FLRT2: variants seen among roughly 807,000 people sequenced by gnomAD.
FLRT2 encodes the protein fibronectin leucine rich transmembrane protein 2, also known as leucine-rich repeat transmembrane protein FLRT2.
FLRT2 carries 15 observed loss-of-function variants against 40.0 expected under a neutral mutation model. The observed-to-expected ratio is 0.38, with a 90% CI of 0.25 to 0.58. The LOEUF (loss-of-function observed/expected upper bound fraction) is 0.58. Ranked by LOEUF, FLRT2 falls within the 20% of genes least tolerant of loss-of-function variation. FLRT2 has a pLI of 0.71. For missense variants in FLRT2, 726 were observed against 840.0 expected (o/e 0.86, Z 1.68); for synonymous variants, 380 against 336.8 (o/e 1.13, Z -1.41).
chr14:85,580,726 G>A (rs1349349364), intron 1 of FLRT2, among the ~76,000 whole-genome samples: 3 of 116,240 alleles, frequency 2.6e-5, no homozygotes, highest in East Asian at 5.4e-4. Flanking sequence ...GGGCTGGTGA[G>A]GAAAGGAAAT....
At chr14:85,594,242 T>A (rs1382572443) in intron 1 of FLRT2, among the ~76,000 whole-genome samples, 1 of 152,206 alleles carries the variant, frequency 6.6e-6, no homozygotes, top group Non-Finnish European at 1.5e-5. Context: ...TATTTAACTG[T>A]TATTGCTTAA....
At chr14:85,541,649 G>T (rs1437478985) in intron 1 of FLRT2, among the ~76,000 whole-genome samples, 1 of 152,130 alleles carries the variant, frequency 6.6e-6, no homozygotes, top group Non-Finnish European at 1.5e-5. Flanking sequence ...AATGAATGCC[G>T]ACTGTAGGTC....
intron 1 of FLRT2, among the ~76,000 whole-genome samples, chr14:85,596,715 A>T (rs1892155240): frequency 3.9e-5 from 6 of 152,214 alleles, no homozygotes; most frequent in Admixed American, 3.9e-4. Context: ...GGGAGAATTC[A>T]GAGTTTCACA....
intron 1 of FLRT2, among the ~76,000 whole-genome samples, chr14:85,617,774 G>A (rs1323714338): frequency 1.3e-5 from 2 of 152,120 alleles, no homozygotes; most frequent in Non-Finnish European, 2.9e-5. Flanking sequence ...GTTATTTTGT[G>A]GGATTCCCAA....
chr14:85,621,070 G>A (rs1417174829), intron 1 of FLRT2, 69 bp from the exon 2 acceptor site: 1 of 167,006 alleles, frequency 6.0e-6, no homozygotes, highest in African/African-American at 2.4e-5. Flanking sequence ...GAAAGGCTCA[G>A]AGTCATATTG....
chr14:85,609,135 G>A (rs997028516), intron 1 of FLRT2, among the ~76,000 whole-genome samples: 15 of 152,112 alleles, frequency 9.9e-5, no homozygotes, highest in Non-Finnish European at 2.1e-4. Context: ...TTCCCAATCC[G>A]AACAAGCTTA....
At chr14:85,531,697 C>T (rs904531217) in intron 1 of FLRT2, among the ~76,000 whole-genome samples, 13 of 152,186 alleles carry the variant, frequency 8.5e-5, no homozygotes, top group African/African-American at 3.1e-4. Flanking sequence ...TGTCTGTTCC[C>T]TTCCGATTAG....
rs1343497790 is a variant in FLRT2 at position 85,637,424 on chromosome 14, A to G, written c.*13927A>G. 1 of 152,246 alleles carries G rather than the reference A, an allele frequency of 6.6e-6. No individual in the cohort carries two copies. The highest frequency in any genetic ancestry group is 1.5e-5 in the Non-Finnish European group (1 of 68,038). The allele number at this position is 152,246 out of a possible 1,614,324, so 9.4% of individuals were successfully genotyped here. A position where few individuals can be genotyped will look rare whatever the true frequency, so the allele number is the denominator to read the frequency against. On this transcript the variant is annotated 3_prime_UTR_variant, in exon 2 of 2. Transcript: ENST00000330753. Reference sequence around the variant, plus strand: ...TTTGGTTTCATATTTTTTAAAAGGTATAACAAAAACACCTACCACAGTGTT... The same window carrying G: ...TTTGGTTTCATATTTTTTAAAAGGTGTAACAAAAACACCTACCACAGTGTT...
In FLRT2 at chr14:85,625,232, T is replaced by C. The variant is rs547662977; in HGVS notation, c.*1735T>C. On this transcript the variant is annotated 3_prime_UTR_variant, in exon 2 of 2. Transcript: ENST00000330753. ...AATCAAATTTAAACATTTCACTCTGTGCTGCATATTTCTTTTACCATTGAC... is the reference window on the plus strand; with the variant it reads ...AATCAAATTTAAACATTTCACTCTGCGCTGCATATTTCTTTTACCATTGAC... 460 of 167,192 alleles carry C rather than the reference T, an allele frequency of 2.8e-3. 2 individuals are homozygous for C. Among genetic ancestry groups the C allele is most frequent in the African/African-American group, 0.01 (436 of 41,574 alleles). 10.4% of individuals were successfully genotyped at this position (167,192 alleles called of 1,614,324 possible).
chr14:85,546,442 G>A (rs1445005132), intron 1 of FLRT2, among the ~76,000 whole-genome samples: 2 of 152,028 alleles, frequency 1.3e-5, no homozygotes, highest in South Asian at 2.1e-4. Context: ...ATCCTTGGTG[G>A]GGCTGTTTAG....
chr14:85,549,251 TGG>T (rs1472265618), intron 1 of FLRT2, among the ~76,000 whole-genome samples: 204 of 152,302 alleles, frequency 1.3e-3, no homozygotes, highest in African/African-American at 4.7e-3. Context: ...AAGCCATCCA[TGG>T]ATGGCAAAAC....
rs1295841002 is a variant in FLRT2, at chr14:85,638,832, T to C, written c.*15335T>C. The C allele has an allele frequency of 6.6e-6, 1 of 152,218 alleles. No homozygotes were observed. Among genetic ancestry groups the C allele is most frequent in the Non-Finnish European group, 1.5e-5 (1 of 68,044 alleles). 9.4% of individuals were successfully genotyped at this position (152,218 alleles called of 1,614,324 possible). A position where few individuals can be genotyped will look rare whatever the true frequency, so the allele number is the denominator to read the frequency against. On this transcript the variant is annotated 3_prime_UTR_variant, in exon 2 of 2. Coordinates refer to ENST00000330753, the MANE Select transcript of FLRT2 (RefSeq NM_013231.6). ...CCGCAAACCTATTTTGATCAACCAG[T>C]ACTGAACTTTTCCCCTTCTCTTATG...
At chr14:85,610,218 G>C (rs1892797993) in intron 1 of FLRT2, among the ~76,000 whole-genome samples, 1 of 151,658 alleles carries the variant, frequency 6.6e-6, no homozygotes, top group African/African-American at 2.4e-5. Context: ...GAGAATTTGA[G>C]ACAGGTGGAA....
Position 85,622,254 on chromosome 14 carries a change from C to G in FLRT2, c.740C>G (p.Pro247Arg). The change falls in exon 2 of 2, where the codon CCC becomes CGC. Residue 247 changes from proline to arginine, a missense_variant. Pro to Arg is a moderately radical substitution (Grantham distance 103). Transcript: ENST00000330753. ...CGTAATTCGCTGTCCCACCCTCCTC[C>G]CGATCTCCCAGGTACGCATCTGATC... The part of the protein sequence containing the change: ...IVRNSLSHPP[P>R]DLPGTHLIRL... The G allele has an allele frequency of 6.2e-7, 1 of 1,614,086 alleles. No homozygotes were observed. The highest frequency in any genetic ancestry group is 8.5e-7 in the Non-Finnish European group (1 of 1,180,036).
chr14:85,568,202 T>C (rs1890719859), intron 1 of FLRT2, among the ~76,000 whole-genome samples: 2 of 150,210 alleles, frequency 1.3e-5, no homozygotes, highest in South Asian at 4.3e-4. Context: ...TCATGGGACC[T>C]TGCTGATCTG....
At chr14:85,541,841 C>T (rs1228658669) in intron 1 of FLRT2, among the ~76,000 whole-genome samples, 1 of 152,160 alleles carries the variant, frequency 6.6e-6, no homozygotes, top group Non-Finnish European at 1.5e-5. Flanking sequence ...GCCATGTGTC[C>T]TTCTGCCGAT....
rs370220314 is a variant in FLRT2, at chr14:85,642,525, G to A, written c.*19028G>A. On this transcript the variant is annotated 3_prime_UTR_variant, in exon 2 of 2. Coordinates refer to ENST00000330753, the MANE Select transcript of FLRT2 (RefSeq NM_013231.6). ...TGTCTCAGTAGGGCTTAAATATGAA[G>A]TATAAACTGGGAAGAAAAGGCTAAA... The A allele has an allele frequency of 1.3e-5, 2 of 151,954 alleles. 1 individual carries two copies. The highest frequency in any genetic ancestry group is 3.9e-4 in the East Asian group (2 of 5,174). 9.4% of individuals were successfully genotyped at this position (151,954 alleles called of 1,614,324 possible). A position where few individuals can be genotyped will look rare whatever the true frequency, so the allele number is the denominator to read the frequency against.
chr14:85,564,587 T>C (rs538081947), intron 1 of FLRT2, among the ~76,000 whole-genome samples: 1 of 152,160 alleles, frequency 6.6e-6, no homozygotes, highest in Non-Finnish European at 1.5e-5. Flanking sequence ...AGTTTTCTGG[T>C]GGGTTATGAG....
In FLRT2 at chr14:85,635,254, T is replaced by A. The variant is rs879366473; in HGVS notation, c.*11757T>A. The stretch of plus-strand genomic sequence containing the variant: ...CCTCATATATGAAATGAGGTACTAA[T>A]ACTTTTAAGGATTTGATGAGATAAT... On this transcript the variant is annotated 3_prime_UTR_variant, in exon 2 of 2. Coordinates refer to ENST00000330753, the MANE Select transcript of FLRT2 (RefSeq NM_013231.6). 9.5e-4 allele frequency: 144 copies of A among 152,272 alleles called. 1 individual carries two copies. Among genetic ancestry groups the A allele is most frequent in the African/African-American group, 3.4e-3 (142 of 41,582 alleles). The allele number at this position is 152,272 out of a possible 1,614,324, so 9.4% of individuals were successfully genotyped here.
Sources: gnomAD v4.1 joint callset for allele counts (sites outside exome capture counted in the v4.1 genomes callset) on GRCh38, gnomAD v4.1.1 for gene constraint, MANE v1.5 for transcripts, NCBI Gene and HGNC (gene_info 2026-07-23, HGNC 2026-07-21) for gene names.